Variants in RFX4 observed in about 807,000 individuals in gnomAD.
The protein encoded by RFX4 is regulatory factor X4.
A neutral mutation model predicts 95.0 loss-of-function variants in RFX4; 10 were observed. The ratio of observed to expected loss-of-function variants is 0.11; its 90% CI spans 0.06 to 0.18. RFX4 has a LOEUF of 0.18. Ranked by LOEUF, RFX4 falls within the 10% of genes least tolerant of loss-of-function variation. The probability of loss-of-function intolerance (pLI) is 1.00; values close to 1 mark genes in which losing one functional copy is unlikely to be tolerated. For missense variants in RFX4, 640 were observed against 922.0 expected, an observed-to-expected ratio of 0.69 and a Z score of 3.96; for synonymous variants, 321 against 340.7, an observed-to-expected ratio of 0.94 and a Z score of 0.64.
chr12:106,680,431 G>A (rs2041483130), intron 4 of RFX4, among the ~76,000 whole-genome samples: 1 of 152,182 alleles, frequency 6.6e-6, no homozygotes, highest in Non-Finnish European at 1.5e-5. Context: ...AGGAAATTCA[G>A]GCACAGAGAG....
At chr12:106,595,039 T>C (rs773442917) in intron 1 of RFX4, among the ~76,000 whole-genome samples, 1 of 152,156 alleles carries the variant, frequency 6.6e-6, no homozygotes, top group Admixed American at 6.5e-5. Context: ...CTTTTGGAAA[T>C]TGAGTAGCAG....
chr12:106,585,534 C>A (rs1372950851), intron 1 of RFX4, among the ~76,000 whole-genome samples: 1 of 152,194 alleles, frequency 6.6e-6, no homozygotes. Flanking sequence ...AAGTGCGGCT[C>A]GGCGTGGTCC....
intron 17 of RFX4, among the ~76,000 whole-genome samples, chr12:106,754,148 GC>G (rs914214192): frequency 5.9e-5 from 9 of 152,268 alleles, no homozygotes; most frequent in Admixed American, 1.3e-4. Flanking sequence ...ACCAAGGGGA[GC>G]CCTGGTTTAA....
intron 1 of RFX4, among the ~76,000 whole-genome samples, chr12:106,590,385 CTG>C (rs1055148856): frequency 6.6e-6 from 1 of 152,178 alleles, no homozygotes; most frequent in African/African-American, 2.4e-5. Context: ...TAAGAAGAAA[CTG>C]TAATTATTAA....
At chr12:106,701,808 G>C (rs553408406) in intron 8 of RFX4, among the ~76,000 whole-genome samples, 2 of 152,308 alleles carry the variant, frequency 1.3e-5, no homozygotes, top group Admixed American at 1.3e-4. Flanking sequence ...GATGAAGGCA[G>C]AAGGATCACT....
chr12:106,720,075 C>A lies in RFX4; in HGVS notation c.1233+21C>A. The stretch of plus-strand genomic sequence containing the variant: ...TGAAGGTTGGTAAACCGGCACCTAG[C>A]GGGCAGCCTTGGGCCCTGCAGCCCA... On this transcript the variant is annotated intron_variant, in intron 12 of 17. Coordinates refer to ENST00000392842, the MANE Select transcript of RFX4 (RefSeq NM_213594.3). The surrounding 1 kb of genome is among the most constrained non-coding windows in gnomAD (Gnocchi z 4.2). 1.2e-6 allele frequency: 2 copies of A among 1,606,806 alleles called. No individual in the cohort carries two copies.
chr12:106,598,349 A>G (rs2039649799), intron 1 of RFX4, among the ~76,000 whole-genome samples: 1 of 152,176 alleles, frequency 6.6e-6, no homozygotes, highest in Non-Finnish European at 1.5e-5. Flanking sequence ...GACTGTAGTG[A>G]CCTAGGAAAA....
At chr12:106,629,952 G>A (rs1299510899) in intron 2 of RFX4, among the ~76,000 whole-genome samples, 1 of 152,194 alleles carries the variant, frequency 6.6e-6, no homozygotes, top group Non-Finnish European at 1.5e-5. Context: ...GCAGAGTTGT[G>A]CGGTTGTGAT....
chr12:106,597,719 G>T (rs1051838944), intron 1 of RFX4, among the ~76,000 whole-genome samples: 1 of 152,126 alleles, frequency 6.6e-6, no homozygotes, highest in Non-Finnish European at 1.5e-5. Flanking sequence ...ACATGGCCAG[G>T]TGTGGTGGCT....
chr12:106,661,817 T>C (rs551171812), intron 4 of RFX4, among the ~76,000 whole-genome samples: 2 of 152,354 alleles, frequency 1.3e-5, no homozygotes, highest in African/African-American at 2.4e-5. Flanking sequence ...TCGTACAGTA[T>C]GTAGCCTTTT....
intron 3 of RFX4, among the ~76,000 whole-genome samples, chr12:106,646,399 A>T (rs1168941077): frequency 1.4e-5 from 2 of 146,596 alleles, no homozygotes; most frequent in Non-Finnish European, 3.0e-5. Flanking sequence ...GGAAATTGCA[A>T]CACTGTGCTT....
At chr12:106,620,366 G>T (rs764750339) in intron 2 of RFX4, among the ~76,000 whole-genome samples, 1 of 152,108 alleles carries the variant, frequency 6.6e-6, no homozygotes, top group African/African-American at 2.4e-5. Context: ...GGCCACTGGG[G>T]GTGACATCAC....
chr12:106,609,286 G>C (rs563345097), intron 2 of RFX4, among the ~76,000 whole-genome samples: 1 of 152,304 alleles, frequency 6.6e-6, no homozygotes, highest in South Asian at 2.1e-4. Flanking sequence ...AAATGTCCTT[G>C]ATATCAGAAA....
At chr12:106,689,076 C>T (rs535121585) in intron 6 of RFX4, among the ~76,000 whole-genome samples, 3 of 152,244 alleles carry the variant, frequency 2.0e-5, no homozygotes, top group East Asian at 1.9e-4. Flanking sequence ...GAAACACACT[C>T]GTGCTGTGTG....
Position 106,696,408 on chromosome 12 carries a change from G to A in RFX4, c.795G>A (p.Gly265=), listed in dbSNP as rs995313356. ...CCATCCTCTACAAAGCTATCTCCGG[G>A]GTGCTGATGCCCACTGTGCTGCAGG... ...CDSILYKAIS[G]VLMPTVLQAL... Residue 265 remains glycine (G), a synonymous_variant, in exon 8 of 18, where the codon GGG becomes GGA. Transcript: ENST00000392842. 12 of 1,613,968 alleles carry A rather than the reference G, an allele frequency of 7.4e-6. No individual in the cohort carries two copies. The highest frequency in any genetic ancestry group is 1.3e-5 in the African/African-American group (1 of 74,902).
At chr12:106,669,411 A>T (rs1281094356) in intron 4 of RFX4, among the ~76,000 whole-genome samples, 2 of 152,192 alleles carry the variant, frequency 1.3e-5, no homozygotes, top group Non-Finnish European at 2.9e-5. Flanking sequence ...TGGGTGGCTC[A>T]TCCTTGAAGA....
At chr12:106,583,439 T>C in intron 1 of RFX4, 76 bp downstream of exon 1, 1 of 1,421,286 alleles carries the variant, frequency 7.0e-7, no homozygotes, top group Middle Eastern at 1.8e-4. Context: ...TAGAAAGAAG[T>C]TGGGAAAAGT....
At chr12:106,689,203 T>C (rs982104867) in intron 6 of RFX4, 84 bp from the exon 7 acceptor site, 12 of 1,148,706 alleles carry the variant, frequency 1.0e-5, no homozygotes, top group African/African-American at 1.5e-5. Context: ...AGGGAAGAAA[T>C]GACTTAAAAA....
intron 17 of RFX4, among the ~76,000 whole-genome samples, chr12:106,759,693 G>T (rs754346133): frequency 2.0e-5 from 3 of 152,152 alleles, no homozygotes; most frequent in Non-Finnish European, 4.4e-5. Context: ...GCCTTGGCGT[G>T]CTGTCCATAG....
Sources: allele counts gnomAD v4.1 joint callset (sites outside exome capture counted in the v4.1 genomes callset), GRCh38; gene constraint gnomAD v4.1.1; non-coding constraint Gnocchi (gnomAD v3.1); transcripts MANE v1.5; gene names NCBI Gene and HGNC (gene_info 2026-07-23, HGNC 2026-07-21).